LDLRAD3: variants seen among roughly 807,000 people sequenced by gnomAD.
LDLRAD3 encodes low-density lipoprotein receptor class A domain-containing protein 3.
In LDLRAD3, 20 loss-of-function variants were observed where a neutral mutation model predicts 29.4. The observed-to-expected ratio is 0.68, with a 90% confidence interval of 0.48 to 0.99. LDLRAD3 has a LOEUF of 0.99. Among genes scored for constraint, LDLRAD3 ranks in the 50% least tolerant of loss-of-function variants. The pLI is 0.00. For missense variants in LDLRAD3, 420 were observed against 454.3 expected (o/e 0.92, Z 0.69); for synonymous variants, 157 against 192.7 (o/e 0.81, Z 1.53).
intron 1 of LDLRAD3, among the ~76,000 whole-genome samples, chr11:36,018,772 T>C (rs1270545900): frequency 1.3e-5 from 2 of 152,200 alleles, no homozygotes; most frequent in South Asian, 4.1e-4. Context: ...TCTTTTCAAC[T>C]TTTGCCAGTC....
chr11:36,159,413 G>A (rs1854402367), intron 4 of LDLRAD3, among the ~76,000 whole-genome samples: 1 of 151,488 alleles, frequency 6.6e-6, no homozygotes, highest in South Asian at 2.1e-4. Context: ...ATTCTGCGGT[G>A]AGCCGTGAGC....
chr11:36,089,667 C>T, intron 3 of LDLRAD3, among the ~76,000 whole-genome samples: 1 of 152,122 alleles, frequency 6.6e-6, no homozygotes, highest in East Asian at 1.9e-4. Flanking sequence ...GTGGTGCAAT[C>T]ATAGCTCATT....
intron 4 of LDLRAD3, among the ~76,000 whole-genome samples, chr11:36,137,016 A>G (rs1854014246): frequency 6.6e-6 from 1 of 152,190 alleles, no homozygotes; most frequent in African/African-American, 2.4e-5. Flanking sequence ...TAAATTACCC[A>G]GACTCAGGTA....
intron 2 of LDLRAD3, among the ~76,000 whole-genome samples, chr11:36,062,445 G>A (rs987272512): frequency 2.0e-5 from 3 of 152,154 alleles, no homozygotes; most frequent in Non-Finnish European, 4.4e-5. Context: ...TCACTGACAC[G>A]ACGATTATTG....
chr11:36,141,052 G>T (rs534005047), intron 4 of LDLRAD3, among the ~76,000 whole-genome samples: 1 of 144,410 alleles, frequency 6.9e-6, no homozygotes, highest in Non-Finnish European at 1.5e-5. Flanking sequence ...GGGGGTGTGC[G>T]TGTGTGTCTG....
intron 4 of LDLRAD3, among the ~76,000 whole-genome samples, chr11:36,173,272 G>A (rs1854623764): frequency 6.6e-6 from 1 of 151,340 alleles, no homozygotes; most frequent in African/African-American, 2.4e-5. Flanking sequence ...GTGCCATGTT[G>A]GTGTGCTGCA....
At position 35,966,467 on chromosome 11, in the gene LDLRAD3, A is replaced by T. The variant is rs563247187; in HGVS notation, c.46+22323A>T. On this transcript the variant is annotated intron_variant, in intron 1 of 5. Transcript: ENST00000315571. ...AATGCAGTATTCTTTTCCTTTAAAAATGTGTACATAAAAAGGATTTGGATA... is the reference window on the plus strand; with the variant it reads ...AATGCAGTATTCTTTTCCTTTAAAATTGTGTACATAAAAAGGATTTGGATA... Among the ~76,000 whole-genome samples the T allele has an allele frequency of 2.5e-3, 378 of 152,318 alleles. 6 individuals are homozygous for T. The highest frequency in any genetic ancestry group is 8.7e-3 in the African/African-American group (360 of 41,570).
At chr11:36,098,290 G>A in intron 3 of LDLRAD3, 37 bp from the exon 4 acceptor site, 6 of 1,611,746 alleles carry the variant, frequency 3.7e-6, no homozygotes, top group Non-Finnish European at 5.1e-6. Context: ...GGAACTTGCT[G>A]GCCTCCCTGG....
chr11:35,957,233 G>A (rs536080625), intron 1 of LDLRAD3, among the ~76,000 whole-genome samples: 2 of 152,300 alleles, frequency 1.3e-5, no homozygotes, highest in African/African-American at 4.8e-5. Flanking sequence ...ATAATTTCAT[G>A]TCCTGCTTTT....
At chr11:36,118,747 C>G (rs1451593951) in intron 4 of LDLRAD3, among the ~76,000 whole-genome samples, 18 of 152,200 alleles carry the variant, frequency 1.2e-4, no homozygotes, top group Admixed American at 1.2e-3. Flanking sequence ...TGTGTATTCA[C>G]ATAGTTAGAC....
chr11:36,079,835 T>C (rs1186344252), intron 2 of LDLRAD3, among the ~76,000 whole-genome samples: 1 of 152,212 alleles, frequency 6.6e-6, no homozygotes, highest in Non-Finnish European at 1.5e-5. Flanking sequence ...GCCCTCTTAC[T>C]TGTTGTTGCT....
intron 4 of LDLRAD3, among the ~76,000 whole-genome samples, chr11:36,168,674 G>GCAACAGTTGTGTGTGTGTTAGAGC (rs1209019313): frequency 6.6e-6 from 1 of 152,046 alleles, no homozygotes; most frequent in African/African-American, 2.4e-5. Flanking sequence ...TCACTTTTTA[G>GCAACAGTTGTGTGTGTGTTAGAGC]CAACAGTTGT....
At chr11:35,989,884 A>G (rs1181487347) in intron 1 of LDLRAD3, among the ~76,000 whole-genome samples, 1 of 152,004 alleles carries the variant, frequency 6.6e-6, no homozygotes, top group Non-Finnish European at 1.5e-5. Flanking sequence ...TCCTATTTGG[A>G]TGCCCTTCCT....
chr11:36,098,611 A>G (rs1032282291), intron 4 of LDLRAD3, 150 bp downstream of exon 4: 33 of 833,782 alleles, frequency 4.0e-5, no homozygotes, highest in Non-Finnish European at 5.2e-5. Flanking sequence ...TTGTACAGGT[A>G]GGTACCCGTG....
intron 1 of LDLRAD3, among the ~76,000 whole-genome samples, chr11:35,991,734 A>G (rs1303309193): frequency 6.6e-6 from 1 of 152,122 alleles, no homozygotes; most frequent in Admixed American, 6.6e-5. Flanking sequence ...GTTAATAGCT[A>G]AATTATTAAT....
rs1852272518 is a variant in LDLRAD3, at chr11:36,033,950, T to C, written c.47-2153T>C. On this transcript the variant is annotated intron_variant, in intron 1 of 5. Transcript: ENST00000315571. The stretch of plus-strand genomic sequence containing the variant: ...AATTGCAGCAGAATAGGAGAAATAG[T>C]AGCATAATACCTTTGCATTTCCTAA... Among the ~76,000 whole-genome samples, 8 of 152,302 alleles carry C rather than the reference T, an allele frequency of 5.3e-5. No homozygotes were observed. In the South Asian group the frequency reaches 1.7e-3, roughly 32 times the overall value.
chr11:36,023,344 C>A (rs964797490), intron 1 of LDLRAD3, among the ~76,000 whole-genome samples: 7 of 151,910 alleles, frequency 4.6e-5, no homozygotes, highest in African/African-American at 1.7e-4. Flanking sequence ...ATTATTTTCT[C>A]CTGTTGCAGG....
chr11:36,181,867 A>C (rs972832847), intron 4 of LDLRAD3, among the ~76,000 whole-genome samples: 2 of 152,190 alleles, frequency 1.3e-5, no homozygotes, highest in Non-Finnish European at 2.9e-5. Flanking sequence ...GTCAGTTGTC[A>C]ACCGTCTCCT....
intron 4 of LDLRAD3, among the ~76,000 whole-genome samples, chr11:36,125,556 C>T (rs565535604): frequency 3.4e-4 from 52 of 152,154 alleles, no homozygotes; most frequent in Non-Finnish European, 6.6e-4. Flanking sequence ...TTTCTAATCG[C>T]AGAAGGGTAA....
Sources: gnomAD v4.1 joint callset for allele counts (sites outside exome capture counted in the v4.1 genomes callset) on GRCh38, gnomAD v4.1.1 for gene constraint, MANE v1.5 for transcripts, NCBI Gene and HGNC (gene_info 2026-07-23, HGNC 2026-07-21) for gene names.